Variants in MXI1 observed in about 807,000 individuals in gnomAD.
MXI1 encodes the protein MAX interactor 1, dimerization protein, also known as max-interacting protein 1.
A neutral mutation model predicts 36.9 loss-of-function variants in MXI1; 18 were observed. That is an observed-to-expected ratio of 0.49 (90% CI 0.34 to 0.72). The LOEUF (loss-of-function observed/expected upper bound fraction) is 0.72. Among genes scored for constraint, MXI1 ranks in the 30% least tolerant of loss-of-function variants. The pLI is 0.01. For missense variants in MXI1, 304 were observed against 379.1 expected, an observed-to-expected ratio of 0.80 and a Z score of 1.64; for synonymous variants, 160 against 146.7, an observed-to-expected ratio of 1.09 and a Z score of -0.65.
At chr10:110,275,558 C>G (rs1323620726) in intron 3 of MXI1, among the ~76,000 whole-genome samples, 2 of 152,198 alleles carry the variant, frequency 1.3e-5, no homozygotes, top group African/African-American at 2.4e-5. Flanking sequence ...TTTACAGTTA[C>G]AGGGCATCCA....
chr10:110,275,966 A>T (rs994057511), intron 3 of MXI1, among the ~76,000 whole-genome samples: 1 of 89,770 alleles, frequency 1.1e-5, no homozygotes, highest in African/African-American at 6.9e-5. Flanking sequence ...AGTAGTGGCT[A>T]AAAAAAATAT....
chr10:110,279,135 G>A (rs778845562), intron 3 of MXI1, 45 bp from the exon 4 acceptor site: 3 of 1,380,714 alleles, frequency 2.2e-6, no homozygotes, highest in Non-Finnish European at 3.1e-6. Context: ...GATATTTCTA[G>A]TGAAATAACC....
intron 2 of MXI1, among the ~76,000 whole-genome samples, chr10:110,232,354 A>G (rs1855304768): frequency 6.6e-6 from 1 of 152,152 alleles, no homozygotes; most frequent in Non-Finnish European, 1.5e-5. Flanking sequence ...TGTTCCCTGC[A>G]GGGAATCATT....
chr10:110,256,808 C>T (rs1856317912), intron 3 of MXI1, among the ~76,000 whole-genome samples: 1 of 152,016 alleles, frequency 6.6e-6, no homozygotes, highest in Non-Finnish European at 1.5e-5. Flanking sequence ...CTTGAAAAGT[C>T]CACTGAGTTT....
chr10:110,248,388 A>G (rs978578423), intron 3 of MXI1, among the ~76,000 whole-genome samples: 3 of 152,202 alleles, frequency 2.0e-5, no homozygotes, highest in African/African-American at 7.2e-5. Context: ...CATTTTGCAG[A>G]TTATTTCTGA....
At chr10:110,247,042 A>G (rs953657138) in intron 3 of MXI1, among the ~76,000 whole-genome samples, 1 of 152,028 alleles carries the variant, frequency 6.6e-6, no homozygotes, top group Non-Finnish European at 1.5e-5. Context: ...TCCTTGGGAG[A>G]CCTTCATTGG....
At chr10:110,237,082 C>T (rs1269370135) in intron 2 of MXI1, among the ~76,000 whole-genome samples, 3 of 152,180 alleles carry the variant, frequency 2.0e-5, no homozygotes, top group Admixed American at 6.5e-5. Context: ...ACTGACTTCG[C>T]TAAACTTAAT....
In MXI1 at chr10:110,261,429, A is replaced by ATTT. The variant is rs754963291; in HGVS notation, c.437+16586_437+16588dup. Among the ~76,000 whole-genome samples the ATTT allele has an allele frequency of 1.6e-3, 220 of 141,292 alleles. 2 individuals are homozygous for ATTT. The highest frequency in any genetic ancestry group is 0.011 in the Middle Eastern group (3 of 274). 92.7% of individuals were successfully genotyped at this position (141,292 alleles called of 152,430 possible). ...ATTTATCATAATGACTATTCAAACC[A>ATTT]TTTTTTTTTTTTTTTTAACCCCTCC... On this transcript the variant is annotated intron_variant, in intron 3 of 5. Coordinates refer to ENST00000332674, the MANE Select transcript of MXI1 (RefSeq NM_130439.3).
At chr10:110,251,644 A>G (rs924623137) in intron 3 of MXI1, among the ~76,000 whole-genome samples, 2 of 152,200 alleles carry the variant, frequency 1.3e-5, no homozygotes, top group African/African-American at 4.8e-5. Context: ...AAACCTGTGT[A>G]TACTGGATTA....
At chr10:110,226,311 C>G in intron 1 of MXI1, 1 of 1,480,548 alleles carries the variant, frequency 6.8e-7, no homozygotes, top group South Asian at 1.3e-5. Flanking sequence ...CTGCGTGAGC[C>G]CGAGCGCTAC....
intron 3 of MXI1, among the ~76,000 whole-genome samples, chr10:110,264,293 A>G (rs1425858836): frequency 2.0e-5 from 3 of 152,116 alleles, no homozygotes; most frequent in South Asian, 4.1e-4. Context: ...TGGGCATTGT[A>G]TTAGAAATTT....
chr10:110,268,519 A>G (rs1856756147), intron 3 of MXI1, among the ~76,000 whole-genome samples: 3 of 152,214 alleles, frequency 2.0e-5, no homozygotes, highest in Admixed American at 2.0e-4. Context: ...TTGTTAATCT[A>G]TCAAACACCT....
chr10:110,233,707 C>A (rs1855355218), intron 2 of MXI1, among the ~76,000 whole-genome samples: 1 of 151,962 alleles, frequency 6.6e-6, no homozygotes, highest in Admixed American at 6.5e-5. Context: ...TTGTGATAGT[C>A]TGTCTTCTAC....
chr10:110,247,812 A>ATGATTTCCTCATCATCTTCT (rs1855927689), intron 3 of MXI1, among the ~76,000 whole-genome samples: 1 of 152,188 alleles, frequency 6.6e-6, no homozygotes, highest in Non-Finnish European at 1.5e-5. Context: ...CTAGAACTAG[A>ATGATTTCCTCATCATCTTCT]AATACCATTT....
intron 2 of MXI1, among the ~76,000 whole-genome samples, chr10:110,234,767 A>C (rs779717962): frequency 3.9e-5 from 6 of 152,110 alleles, no homozygotes; most frequent in African/African-American, 1.4e-4. Context: ...TGTTTACCTT[A>C]ATGTGTTTTT....
intron 1 of MXI1, chr10:110,210,319 C>T (rs936733625): frequency 5.1e-6 from 5 of 983,438 alleles, no homozygotes; most frequent in Admixed American, 6.2e-5. Flanking sequence ...ACTTCATGTG[C>T]GTAATAAGTC....
intron 2 of MXI1, among the ~76,000 whole-genome samples, chr10:110,231,365 C>CA (rs938169973): frequency 4.0e-5 from 6 of 149,416 alleles, no homozygotes; most frequent in Non-Finnish European, 8.9e-5. Flanking sequence ...ATAATCCACC[C>CA]CCCCCCCCTC....
At chr10:110,257,365 A>G (rs1398595311) in intron 3 of MXI1, 3 of 150,906 alleles carry the variant, frequency 2.0e-5, no homozygotes, top group Middle Eastern at 3.4e-3. Context: ...CTGGAGTGCA[A>G]TGGCGCGATC....
intron 3 of MXI1, among the ~76,000 whole-genome samples, chr10:110,278,311 C>T (rs1857108571): frequency 6.6e-6 from 1 of 152,134 alleles, no homozygotes; most frequent in Non-Finnish European, 1.5e-5. Flanking sequence ...AACTTTCCCA[C>T]AGGAAGGATA....
Sources: gnomAD v4.1 joint callset for allele counts (sites outside exome capture counted in the v4.1 genomes callset) on GRCh38, gnomAD v4.1.1 for gene constraint, MANE v1.5 for transcripts, NCBI Gene and HGNC (gene_info 2026-07-23, HGNC 2026-07-21) for gene names.